LZTFL1: variants seen among roughly 807,000 people sequenced by gnomAD.
The protein encoded by LZTFL1 is leucine zipper transcription factor-like protein 1.
Under a neutral mutation model 45.9 loss-of-function variants are expected in LZTFL1, and 25 were observed. The observed-to-expected ratio is 0.54, with a 90% CI of 0.40 to 0.76. The LOEUF (loss-of-function observed/expected upper bound fraction) is 0.76. LZTFL1 is among the 30% of genes least tolerant of loss of function. LZTFL1 has a pLI of 0.00. For synonymous variants in LZTFL1, 93 were observed against 117.4 expected (o/e 0.79, Z 1.35); for missense variants, 277 against 331.1 (o/e 0.84, Z 1.27).
intron 2 of LZTFL1, among the ~76,000 whole-genome samples, chr3:45,896,580 A>G (rs1575300902): frequency 6.6e-6 from 1 of 152,312 alleles, no homozygotes; most frequent in Middle Eastern, 3.4e-3. Context: ...TCAAGGTCTC[A>G]TAGAAATTTG....
chr3:45,889,835 T>G (rs901656630), intron 2 of LZTFL1, among the ~76,000 whole-genome samples: 2 of 152,038 alleles, frequency 1.3e-5, no homozygotes, highest in African/African-American at 4.8e-5. Flanking sequence ...GTCATAATAT[T>G]ACCAATTGCT....
intron 2 of LZTFL1, among the ~76,000 whole-genome samples, chr3:45,837,630 C>T (rs963410748): frequency 6.6e-6 from 1 of 152,226 alleles, no homozygotes; most frequent in African/African-American, 2.4e-5. Context: ...CTGGAATCTT[C>T]AATACAACAA....
At chr3:45,904,621 C>T (rs1702642562) in intron 2 of LZTFL1, among the ~76,000 whole-genome samples, 1 of 152,204 alleles carries the variant, frequency 6.6e-6, no homozygotes, top group Admixed American at 6.5e-5. Context: ...GGACCTTCCC[C>T]CAGGCCATCG....
chr3:45,915,163 T>C (rs1422160219), intron 1 of LZTFL1, among the ~76,000 whole-genome samples: 2 of 152,200 alleles, frequency 1.3e-5, no homozygotes, highest in African/African-American at 4.8e-5. Flanking sequence ...ACCAGATGCA[T>C]GGGGCAGCTT....
upstream of LZTFL1, among the ~76,000 whole-genome samples, chr3:45,842,995 C>T (rs764630399): frequency 1.3e-5 from 2 of 152,244 alleles, no homozygotes; most frequent in Admixed American, 6.5e-5. Flanking sequence ...ACAGAAGGAT[C>T]TCAAGCCTTG....
At chr3:45,875,311 T>G (rs1701732770) in intron 2 of LZTFL1, among the ~76,000 whole-genome samples, 1 of 152,226 alleles carries the variant, frequency 6.6e-6, no homozygotes, top group African/African-American at 2.4e-5. Context: ...CAGTTTTGAG[T>G]AAATGAATAA....
chr3:45,874,096 A>G (rs548725015), intron 2 of LZTFL1, among the ~76,000 whole-genome samples: 170 of 152,288 alleles, frequency 1.1e-3, no homozygotes, highest in African/African-American at 3.8e-3. Context: ...CTGTTTCACC[A>G]TCTCCACTTC....
At chr3:45,844,921 T>C (rs1404141821), upstream of LZTFL1, among the ~76,000 whole-genome samples, 1 of 152,200 alleles carries the variant, frequency 6.6e-6, no homozygotes, top group African/African-American at 2.4e-5. Flanking sequence ...TCTAAGAATG[T>C]GTGGATGTTG....
In LZTFL1 at chr3:45,890,085, T is replaced by C. The variant is rs571542495; in HGVS notation, c.-215+23035A>G. On this transcript the variant is annotated intron_variant, in intron 2 of 4. Coordinates refer to the LZTFL1 transcript ENST00000472635. ...TTTTTCCAAACTCTTACCAATGTCG[T>C]TACCATCTATTGCTATTTCCAATCT... 1.2e-3 allele frequency among the ~76,000 whole-genome samples: 182 copies of C among 150,208 alleles called. 2 individuals are homozygous for C. The highest frequency in any genetic ancestry group is 3.4e-3 in the Middle Eastern group (1 of 294).
At chr3:45,908,671 G>C (rs1000941636) in intron 2 of LZTFL1, among the ~76,000 whole-genome samples, 2 of 152,160 alleles carry the variant, frequency 1.3e-5, no homozygotes, top group Admixed American at 6.5e-5. Context: ...CCAAGGCCCC[G>C]CACCACTCAT....
At chr3:45,838,989 T>C (rs35508621) in intron 1 of LZTFL1, among the ~76,000 whole-genome samples, 9,409 of 152,352 alleles carry the variant, frequency 0.062, 502 homozygotes, top group South Asian at 0.27. Context: ...TTAGAGACAA[T>C]ATTATCTCTG....
chr3:45,880,266 G>A (rs1237582085), intron 2 of LZTFL1, among the ~76,000 whole-genome samples: 1 of 152,206 alleles, frequency 6.6e-6, no homozygotes. Context: ...CACTTTGGGA[G>A]GCCGAGGTAG....
rs757699376 is a variant in LZTFL1 at position 45,900,944 on chromosome 3, A to C, written c.-215+12176T>G. ...GGCAGTTTGCGAGCCATTTCCTCCC[A>C]CCCTTGTACTGGCTCGTGTTCATCG... On this transcript the variant is annotated intron_variant, in intron 2 of 4. Transcript: ENST00000472635. The surrounding 1 kb of genome is among the most constrained non-coding windows in gnomAD (Gnocchi z 4.7). The C allele has an allele frequency of 3.7e-6, 6 of 1,613,664 alleles. No individual in the cohort carries two copies. In the South Asian group the frequency reaches 5.5e-5, roughly 15 times the overall value.
chr3:45,868,703 C>G (rs1701618682), intron 2 of LZTFL1, among the ~76,000 whole-genome samples: 1 of 152,166 alleles, frequency 6.6e-6, no homozygotes, highest in South Asian at 2.1e-4. Flanking sequence ...AGTATATCAT[C>G]TACATGATAG....
intron 4 of LZTFL1, among the ~76,000 whole-genome samples, chr3:45,849,338 C>T (rs1701272386): frequency 6.6e-6 from 1 of 152,190 alleles, no homozygotes; most frequent in Admixed American, 6.5e-5. Flanking sequence ...ATACCTGAAA[C>T]AGCCCAGCAT....
At position 45,867,062 on chromosome 3, in the gene LZTFL1, C is replaced by T. The variant is rs564683466; in HGVS notation, c.-214-8046G>A. Among the ~76,000 whole-genome samples, 18 of 146,744 alleles carry T rather than the reference C, an allele frequency of 1.2e-4. No individual in the cohort carries two copies. The South Asian group carries it at 3.6e-3, about 29-fold the overall frequency. ...ACTTAGGCGGCTGAGGCAGGAGAAT[C>T]GCTTGAACCCAGGAGGCTGAGGTTG... is the stretch of plus-strand genomic sequence containing the variant. On this transcript the variant is annotated intron_variant, in intron 2 of 4. Transcript: ENST00000472635.
intron 2 of LZTFL1, among the ~76,000 whole-genome samples, chr3:45,904,868 G>A (rs1702646948): frequency 6.6e-6 from 1 of 152,140 alleles, no homozygotes; most frequent in Non-Finnish European, 1.5e-5. Context: ...AAGAACTGGA[G>A]CTTCTTGTGG....
chr3:45,846,104 T>C (rs1469386001), upstream of LZTFL1, among the ~76,000 whole-genome samples: 1 of 152,208 alleles, frequency 6.6e-6, no homozygotes, highest in Non-Finnish European at 1.5e-5. Flanking sequence ...TGTGAGTTCC[T>C]ACTGGGTTCC....
chr3:45,890,317 T>TATATATATAACATATA lies in LZTFL1; in HGVS notation c.-215+22802_-215+22803insTATATGTTATATATAT, dbSNP rs1314296937. ...ATATATATATAACATATATATATATTTATATAAATATATATATAACATATA... is the reference window on the plus strand; with the variant it reads ...ATATATATATAACATATATATATATTATATATATAACATATATATATAAATATATATATAACATATA... On this transcript the variant is annotated intron_variant, in intron 2 of 4. Transcript: ENST00000472635. 3.6e-4 allele frequency among the ~76,000 whole-genome samples: 22 copies of TATATATATAACATATA among 61,362 alleles called. 1 individual carries two copies. Among genetic ancestry groups the TATATATATAACATATA allele is most frequent in the East Asian group, 1.4e-3 (3 of 2,194 alleles). The allele number at this position is 61,362 out of a possible 152,430, so 40.3% of individuals were successfully genotyped here.
Sources: gnomAD v4.1 joint callset for allele counts (sites outside exome capture counted in the v4.1 genomes callset) on GRCh38, gnomAD v4.1.1 for gene constraint, Gnocchi (gnomAD v3.1) non-coding constraint, MANE v1.5 for transcripts, NCBI Gene and HGNC (gene_info 2026-07-23, HGNC 2026-07-21) for gene names.